PRKCA: variants seen among roughly 807,000 people sequenced by gnomAD.
PRKCA encodes protein kinase C alpha type.
PRKCA carries 27 observed loss-of-function variants against 87.0 expected under a neutral mutation model. The observed-to-expected ratio is 0.31, with a 90% CI of 0.23 to 0.43. PRKCA has a LOEUF of 0.43. PRKCA is among the 20% of genes least tolerant of loss of function. The pLI, the probability that PRKCA is intolerant of heterozygous loss-of-function variation, is 1.00. For missense variants in PRKCA, 518 were observed against 852.3 expected, an observed-to-expected ratio of 0.61 and a Z score of 4.88; for synonymous variants, 329 against 311.1, an observed-to-expected ratio of 1.06 and a Z score of -0.61.
intron 2 of PRKCA, among the ~76,000 whole-genome samples, chr17:66,426,453 A>AG (rs1912814171): frequency 6.6e-6 from 1 of 152,230 alleles, no homozygotes; most frequent in Admixed American, 6.5e-5. Flanking sequence ...TCAATGGTCC[A>AG]GGGAGGCGGA....
At chr17:66,372,882 A>G (rs536047478) in intron 2 of PRKCA, among the ~76,000 whole-genome samples, 42 of 151,558 alleles carry the variant, frequency 2.8e-4, no homozygotes, top group African/African-American at 9.2e-4. Context: ...CACGGTGAAA[A>G]CCCTGCCTCT....
At chr17:66,373,203 T>C (rs1422049251) in intron 2 of PRKCA, among the ~76,000 whole-genome samples, 3 of 152,208 alleles carry the variant, frequency 2.0e-5, no homozygotes, top group African/African-American at 7.2e-5. Context: ...TGAACAAGCA[T>C]GTTAAAGAAC....
At chr17:66,467,804 C>T (rs1004144670) in intron 2 of PRKCA, among the ~76,000 whole-genome samples, 8 of 152,024 alleles carry the variant, frequency 5.3e-5, no homozygotes, top group East Asian at 1.9e-4. Context: ...GCGATCCCCA[C>T]GCCTTGGCCT....
At chr17:66,467,849 C>T (rs28671599) in intron 2 of PRKCA, among the ~76,000 whole-genome samples, 16,029 of 151,784 alleles carry the variant, frequency 0.11, 1,242 homozygotes, top group African/African-American at 0.21. Flanking sequence ...TGAGCCACTG[C>T]GTCTGGCCTT....
chr17:66,381,833 G>A (rs747238777), intron 2 of PRKCA, among the ~76,000 whole-genome samples: 3 of 152,158 alleles, frequency 2.0e-5, no homozygotes, highest in Non-Finnish European at 4.4e-5. Flanking sequence ...CAAAGCAACA[G>A]CATGTGGCCA....
chr17:66,628,393 A>G (rs1970916474), intron 3 of PRKCA, among the ~76,000 whole-genome samples: 1 of 151,644 alleles, frequency 6.6e-6, no homozygotes, highest in African/African-American at 2.4e-5. Flanking sequence ...ATGATGAAAT[A>G]TCATACAGTA....
At chr17:66,675,703 G>T (rs150609291) in intron 5 of PRKCA, among the ~76,000 whole-genome samples, 2 of 152,266 alleles carry the variant, frequency 1.3e-5, no homozygotes, top group African/African-American at 4.8e-5. Context: ...GTTAAAATCT[G>T]TATGCGTCAG....
intron 2 of PRKCA, among the ~76,000 whole-genome samples, chr17:66,307,413 G>A (rs144591215): frequency 6.6e-6 from 1 of 152,118 alleles, no homozygotes; most frequent in African/African-American, 2.4e-5. Flanking sequence ...ACTTTAGGGA[G>A]TTTAAAGATG....
At chr17:66,679,220 A>C (rs1370470403) in intron 5 of PRKCA, among the ~76,000 whole-genome samples, 1 of 131,498 alleles carries the variant, frequency 7.6e-6, no homozygotes, top group Admixed American at 8.9e-5. Context: ...TTGCTCTGTC[A>C]CCCAGGCTGG....
chr17:66,506,251 G>A (rs532326897), intron 3 of PRKCA, among the ~76,000 whole-genome samples: 2 of 151,824 alleles, frequency 1.3e-5, no homozygotes, highest in South Asian at 4.2e-4. Flanking sequence ...AGCCGACATC[G>A]TGCCACTGCA....
chr17:66,516,740 C>A (rs1193690025), intron 3 of PRKCA, among the ~76,000 whole-genome samples: 1 of 152,156 alleles, frequency 6.6e-6, no homozygotes, highest in African/African-American at 2.4e-5. Flanking sequence ...ACTGACAAGG[C>A]GTTATCAGGG....
At chr17:66,420,484 C>T (rs1912425948) in intron 2 of PRKCA, among the ~76,000 whole-genome samples, 1 of 152,086 alleles carries the variant, frequency 6.6e-6, no homozygotes, top group African/African-American at 2.4e-5. Flanking sequence ...ACCTGTACGA[C>T]CATTCTGTTT....
chr17:66,570,719 T>C (rs935558469), intron 3 of PRKCA, among the ~76,000 whole-genome samples: 1 of 152,222 alleles, frequency 6.6e-6, no homozygotes, highest in African/African-American at 2.4e-5. Flanking sequence ...GATATAACTG[T>C]GCTCGTCTGG....
chr17:66,694,867 A>G (rs576792757), intron 8 of PRKCA, among the ~76,000 whole-genome samples: 85 of 149,514 alleles, frequency 5.7e-4, no homozygotes, highest in African/African-American at 2.1e-3. Context: ...TTTCATTTCC[A>G]TGGCTTTTAG....
At chr17:66,362,903 A>G (rs933242994) in intron 2 of PRKCA, among the ~76,000 whole-genome samples, 12 of 152,170 alleles carry the variant, frequency 7.9e-5, no homozygotes, top group African/African-American at 2.4e-4. Context: ...CATGTTGTCC[A>G]GGCTGGTCTC....
chr17:66,377,154 T>C (rs1420557036), intron 2 of PRKCA, among the ~76,000 whole-genome samples: 49 of 152,144 alleles, frequency 3.2e-4, no homozygotes, highest in Non-Finnish European at 1.5e-5. Context: ...GCCTCCCAAG[T>C]AGCTGGAATT....
intron 5 of PRKCA, among the ~76,000 whole-genome samples, chr17:66,666,636 T>C (rs945369783): frequency 6.6e-6 from 1 of 152,234 alleles, no homozygotes; most frequent in Non-Finnish European, 1.5e-5. Context: ...CACCTCATTA[T>C]GGCTCCAAAT....
chr17:66,764,877 A>T (rs1378898515), intron 13 of PRKCA, among the ~76,000 whole-genome samples: 2 of 152,174 alleles, frequency 1.3e-5, no homozygotes, highest in Non-Finnish European at 2.9e-5. Context: ...CTATCCCCAT[A>T]GGGGACAGAC....
rs139517956 is a variant in PRKCA at position 66,741,687 on chromosome 17, T to C, written c.1351T>C (p.Leu451=). The change falls in exon 12 of 17, where the codon TTG becomes CTG. Residue 451 remains leucine, a synonymous_variant. Transcript: ENST00000413366. ...VFYAAEISIG[L]FFLHKRGIIY... is the part of the protein sequence containing the mutation. ...CTATGCGGCAGAGATTTCCATCGGA[T>C]TGTTCTTTCTTCATAAAAGAGGAAT... 7.1e-5 allele frequency: 115 copies of C among 1,614,172 alleles called. No homozygotes were observed. The African/African-American group carries it at 1.5e-3, about 21-fold the overall frequency.
Sources: gnomAD v4.1 joint callset for allele counts (sites outside exome capture counted in the v4.1 genomes callset) on GRCh38, gnomAD v4.1.1 for gene constraint, MANE v1.5 for transcripts, NCBI Gene and HGNC (gene_info 2026-07-23, HGNC 2026-07-21) for gene names.